Variants in IRGM observed in about 807,000 individuals in gnomAD.
IRGM encodes the protein immunity-related GTPase family M protein.
For missense variants in IRGM, 288 were observed against 219.9 expected (o/e 1.31, Z -1.96); for synonymous variants, 98 against 80.6 (o/e 1.22, Z -1.16).
In IRGM at chr5:150,848,653, G is replaced by A. The variant is rs764743745; in HGVS notation, c.530G>A (p.Arg177Gln). 4.5e-5 allele frequency: 69 copies of A among 1,533,116 alleles called. 1 individual carries two copies. The East Asian group carries it at 9.8e-4, about 22-fold the overall frequency. 95.0% of individuals were successfully genotyped at this position (1,533,116 alleles called of 1,614,324 possible). Residue 177 changes from arginine (R) to glutamine (Q), a missense_variant, in exon 2 of 2, where the codon CGG becomes CAG. Transcript: ENST00000522154. ...GTCCTGGAAAATCTCCAGAAGGAGC[G>A]GGTATGTGAATACTAATTCCTGTCT... Reference protein sequence around the residue: ...ENVLENLQKERVCEY With the variant: ...ENVLENLQKEQVCEY
At chr5:150,881,310 A>G (rs1373832060) in intron 3 of IRGM, among the ~76,000 whole-genome samples, 2 of 152,152 alleles carry the variant, frequency 1.3e-5, no homozygotes, top group African/African-American at 4.8e-5. Flanking sequence ...ACAGGCCAGG[A>G]AAGAGTGGGA....
chr5:150,878,734 T>C (rs142324491), intron 2 of IRGM, among the ~76,000 whole-genome samples: 8 of 151,934 alleles, frequency 5.3e-5, no homozygotes, highest in African/African-American at 1.9e-4. Context: ...ATTATTATTA[T>C]TGTGTAATTA....
chr5:150,860,546 T>C (rs2113263701), intron 1 of IRGM, among the ~76,000 whole-genome samples: 1 of 152,330 alleles, frequency 6.6e-6, no homozygotes, highest in Non-Finnish European at 1.5e-5. Context: ...ACTAAGAAAC[T>C]TTACTTCCTG....
intron 1 of IRGM, among the ~76,000 whole-genome samples, chr5:150,860,607 G>A (rs1302762810): frequency 6.6e-6 from 1 of 152,138 alleles, no homozygotes; most frequent in East Asian, 1.9e-4. Context: ...TAATAATTAT[G>A]CAGGCACCAC....
intron 3 of IRGM, among the ~76,000 whole-genome samples, chr5:150,891,066 T>G (rs1754601650): frequency 6.6e-6 from 1 of 152,108 alleles, no homozygotes; most frequent in Non-Finnish European, 1.5e-5. Flanking sequence ...ATTTGTCTAT[T>G]TTTCCTTTGA....
chr5:150,861,314 C>G (rs1407079691), intron 1 of IRGM, among the ~76,000 whole-genome samples: 6 of 152,212 alleles, frequency 3.9e-5, no homozygotes, highest in Admixed American at 3.3e-4. Context: ...ATCGTAGTTT[C>G]AGGACAATCA....
Position 150,873,514 on chromosome 5 carries a change from A to G in IRGM, c.159-4466A>G, listed in dbSNP as rs1436349391. Among the ~76,000 whole-genome samples, 9 of 152,224 alleles carry G rather than the reference A, an allele frequency of 5.9e-5. 1 individual carries two copies. Among genetic ancestry groups the G allele is most frequent in the African/African-American group, 2.2e-4 (9 of 41,460 alleles). ...AGGGAAATGATCAGACATTTTGAGG[A>G]CTACTGGACACTGGCTCTGAGCTGA... is the stretch of plus-strand genomic sequence containing the variant. On this transcript the variant is annotated intron_variant and NMD_transcript_variant, in intron 1 of 3. Transcript: ENST00000520549.
At chr5:150,855,066 T>G (rs993368917) in intron 1 of IRGM, among the ~76,000 whole-genome samples, 6 of 152,120 alleles carry the variant, frequency 3.9e-5, no homozygotes, top group Non-Finnish European at 8.8e-5. Flanking sequence ...TGAACAAAGG[T>G]TTGGAGGTTC....
intron 1 of IRGM, among the ~76,000 whole-genome samples, chr5:150,874,687 T>C (rs1754336967): frequency 6.6e-6 from 1 of 152,196 alleles, no homozygotes; most frequent in South Asian, 2.1e-4. Context: ...TTTCTGCCAT[T>C]TGGGCCATAT....
intron 1 of IRGM, among the ~76,000 whole-genome samples, chr5:150,856,914 T>TTTA (rs57825605): frequency 0.45 from 65,250 of 144,442 alleles, 15,352 homozygotes; most frequent in Non-Finnish European, 0.5. Flanking sequence ...TAAATAAATA[T>TTTA]TTATTATTTA....
chr5:150,888,646 CTG>C (rs34716763), intron 3 of IRGM, among the ~76,000 whole-genome samples: 31,668 of 151,738 alleles, frequency 0.21, 5,313 homozygotes, highest in African/African-American at 0.45. Flanking sequence ...GGAGTCAAGA[CTG>C]AGAAAATCAC....
chr5:150,857,052 G>C, intron 1 of IRGM, among the ~76,000 whole-genome samples: 1 of 151,726 alleles, frequency 6.6e-6, no homozygotes. Flanking sequence ...TTTAGCATTA[G>C]GTATATCTCC....
intron 3 of IRGM, chr5:150,895,869 A>G: frequency 6.2e-7 from 1 of 1,612,984 alleles, no homozygotes; most frequent in African/African-American, 1.3e-5. Flanking sequence ...AGTATGAACT[A>G]ACTGATGTGT....
chr5:150,865,173 CATATATT>C (rs1305855599), intron 1 of IRGM, among the ~76,000 whole-genome samples: 1 of 152,036 alleles, frequency 6.6e-6, no homozygotes, highest in Non-Finnish European at 1.5e-5. Flanking sequence ...ACATTATTGA[CATATATT>C]AGAATACAAA....
At chr5:150,866,152 T>A (rs561534643) in intron 1 of IRGM, among the ~76,000 whole-genome samples, 10 of 152,278 alleles carry the variant, frequency 6.6e-5, no homozygotes, top group Non-Finnish European at 1.3e-4. Context: ...TTTCCACGGT[T>A]TTGTGAGCCA....
At chr5:150,858,006 T>C (rs1295290504) in intron 1 of IRGM, among the ~76,000 whole-genome samples, 1 of 152,192 alleles carries the variant, frequency 6.6e-6, no homozygotes, top group African/African-American at 2.4e-5. Context: ...TGCCCATGCC[T>C]ATGTCCTGAA....
downstream of IRGM, among the ~76,000 whole-genome samples, chr5:150,901,132 T>C (rs562569903): frequency 1.3e-5 from 2 of 152,042 alleles, no homozygotes; most frequent in Non-Finnish European, 2.9e-5. Flanking sequence ...TATACAGCCC[T>C]CTTCCTGAAG....
chr5:150,849,150 A>G (rs1250343557), downstream of IRGM, among the ~76,000 whole-genome samples: 2 of 152,128 alleles, frequency 1.3e-5, no homozygotes, highest in Non-Finnish European at 2.9e-5. Context: ...TATCAGTAAT[A>G]ATAAAGACTT....
At chr5:150,853,348 T>C (rs953891484), downstream of IRGM, among the ~76,000 whole-genome samples, 4 of 152,152 alleles carry the variant, frequency 2.6e-5, no homozygotes, top group Non-Finnish European at 5.9e-5. Flanking sequence ...GCCTAATGTA[T>C]GGTCTCTCCT....
Sources: gnomAD v4.1 joint callset for allele counts (sites outside exome capture counted in the v4.1 genomes callset) on GRCh38, gnomAD v4.1.1 for gene constraint, MANE v1.5 for transcripts, NCBI Gene and HGNC (gene_info 2026-07-23, HGNC 2026-07-21) for gene names.